Variants in GALNTL6 observed in about 807,000 individuals in gnomAD.
GALNTL6 encodes the protein polypeptide N-acetylgalactosaminyltransferase-like 6.
GALNTL6 carries 46 observed loss-of-function variants against 73.7 expected under a neutral mutation model. The observed-to-expected ratio is 0.62, with a 90% CI of 0.49 to 0.80. GALNTL6 has a LOEUF of 0.80. GALNTL6 is among the 30% of genes least tolerant of loss of function. GALNTL6 has a pLI of 0.00. For missense variants in GALNTL6, 604 were observed against 755.0 expected (o/e 0.80, Z 2.34); for synonymous variants, 259 against 263.7 (o/e 0.98, Z 0.17).
chr4:172,767,172 T>C (rs886993913), intron 5 of GALNTL6, among the ~76,000 whole-genome samples: 1 of 152,222 alleles, frequency 6.6e-6, no homozygotes, highest in African/African-American at 2.4e-5. Context: ...AACGTATTAT[T>C]TGTGTCAGAT....
chr4:172,849,907 G>A (rs929995439), intron 7 of GALNTL6, among the ~76,000 whole-genome samples: 1 of 152,136 alleles, frequency 6.6e-6, no homozygotes, highest in African/African-American at 2.4e-5. Flanking sequence ...TGCTCACTCA[G>A]GTTGTCGAGA....
At chr4:172,952,953 G>A (rs1382674117) in intron 10 of GALNTL6, among the ~76,000 whole-genome samples, 1 of 152,208 alleles carries the variant, frequency 6.6e-6, no homozygotes. Flanking sequence ...AAAACCCTCT[G>A]TCCTGGTGCA....
chr4:172,179,580 C>G (rs1252001269), intron 2 of GALNTL6, among the ~76,000 whole-genome samples: 8 of 142,832 alleles, frequency 5.6e-5, no homozygotes, highest in Non-Finnish European at 7.5e-5. Flanking sequence ...GAGTAGGTTG[C>G]AAAAATTTTC....
intron 5 of GALNTL6, among the ~76,000 whole-genome samples, chr4:172,524,577 G>A (rs1017790227): frequency 6.6e-5 from 10 of 152,118 alleles, no homozygotes; most frequent in Admixed American, 6.6e-4. Context: ...ATCCCGGTTC[G>A]TGAACGTTAT....
intron 2 of GALNTL6, among the ~76,000 whole-genome samples, chr4:171,960,860 A>G (rs1167594684): frequency 6.6e-6 from 1 of 151,916 alleles, no homozygotes; most frequent in Non-Finnish European, 1.5e-5. Flanking sequence ...GTGTGAATCT[A>G]GTTGCTTTAG....
intron 2 of GALNTL6, among the ~76,000 whole-genome samples, chr4:171,885,988 T>G (rs1291800748): frequency 6.6e-6 from 1 of 152,002 alleles, no homozygotes; most frequent in Non-Finnish European, 1.5e-5. Context: ...AATAAAGAGA[T>G]GTAGACAAGT....
At chr4:172,017,598 T>A (rs894751585) in intron 2 of GALNTL6, among the ~76,000 whole-genome samples, 3 of 152,102 alleles carry the variant, frequency 2.0e-5, no homozygotes, top group Non-Finnish European at 2.9e-5. Flanking sequence ...CGTTCCCTAC[T>A]ATACCCAGCA....
At chr4:172,981,210 C>T (rs1751049098) in intron 10 of GALNTL6, among the ~76,000 whole-genome samples, 2 of 152,200 alleles carry the variant, frequency 1.3e-5, no homozygotes, top group Non-Finnish European at 2.9e-5. Flanking sequence ...TTTGGGTATA[C>T]ACCTAGTAGT....
chr4:172,704,834 T>C (rs1311566248), intron 5 of GALNTL6, among the ~76,000 whole-genome samples: 1 of 152,066 alleles, frequency 6.6e-6, no homozygotes, highest in Non-Finnish European at 1.5e-5. Flanking sequence ...CTTTTAGGTC[T>C]GTTAATATTT....
intron 2 of GALNTL6, among the ~76,000 whole-genome samples, chr4:171,847,534 G>A (rs1023716617): frequency 3.9e-5 from 6 of 152,140 alleles, no homozygotes; most frequent in Non-Finnish European, 8.8e-5. Context: ...CTTGTAGCAT[G>A]TGATTCTGTT....
In GALNTL6 at chr4:172,824,966, G is replaced by T. The variant is rs536501387; in HGVS notation, c.923+11243G>T. Among the ~76,000 whole-genome samples the T allele has an allele frequency of 4.0e-4, 61 of 151,708 alleles. 1 individual carries two copies. In the South Asian group the frequency reaches 0.013, roughly 31 times the overall value. On this transcript the variant is annotated intron_variant, in intron 7 of 12. Coordinates refer to ENST00000506823, the MANE Select transcript of GALNTL6 (RefSeq NM_001034845.3). Reference sequence around the variant, plus strand: ...CTGAAGTGAGGCTACATCCACAGAGGCACTGGTTTTGACAAGATCATCACT... The same window carrying T: ...CTGAAGTGAGGCTACATCCACAGAGTCACTGGTTTTGACAAGATCATCACT...
At chr4:172,879,162 A>C (rs771422348) in intron 7 of GALNTL6, among the ~76,000 whole-genome samples, 1 of 151,920 alleles carries the variant, frequency 6.6e-6, no homozygotes, top group Non-Finnish European at 1.5e-5. Context: ...GAAATAAACA[A>C]ATCCAGAATT....
intron 5 of GALNTL6, among the ~76,000 whole-genome samples, chr4:172,749,046 A>G (rs2110772575): frequency 6.6e-6 from 1 of 151,204 alleles, no homozygotes; most frequent in East Asian, 1.9e-4. Context: ...AGTAGCTGGG[A>G]CATAGGCATT....
chr4:172,080,195 C>G (rs1197461500), intron 2 of GALNTL6, among the ~76,000 whole-genome samples: 1 of 152,008 alleles, frequency 6.6e-6, no homozygotes, highest in East Asian at 1.9e-4. Context: ...AAAATTTTTT[C>G]TTAGAGACAA....
chr4:172,922,118 T>C (rs1265122311), intron 8 of GALNTL6, among the ~76,000 whole-genome samples: 2 of 152,138 alleles, frequency 1.3e-5, no homozygotes. Context: ...ATCAGAGGTT[T>C]CCACTTTTGC....
At chr4:172,524,056 T>C (rs1388432147) in intron 5 of GALNTL6, among the ~76,000 whole-genome samples, 1 of 152,162 alleles carries the variant, frequency 6.6e-6, no homozygotes, top group Non-Finnish European at 1.5e-5. Context: ...ATGTTTATAG[T>C]TTTACTACGT....
intron 5 of GALNTL6, among the ~76,000 whole-genome samples, chr4:172,352,502 T>C (rs1741976239): frequency 6.6e-6 from 1 of 152,182 alleles, no homozygotes; most frequent in Non-Finnish European, 1.5e-5. Flanking sequence ...CAAGGCTTCA[T>C]GGTGACTTTA....
At chr4:171,922,431 A>G (rs1399153625) in intron 2 of GALNTL6, among the ~76,000 whole-genome samples, 1 of 152,160 alleles carries the variant, frequency 6.6e-6, no homozygotes, top group African/African-American at 2.4e-5. Flanking sequence ...TTCACCTTTT[A>G]AAAATGCATT....
chr4:172,072,122 A>G (rs1731561542), intron 2 of GALNTL6, among the ~76,000 whole-genome samples: 1 of 152,144 alleles, frequency 6.6e-6, no homozygotes, highest in Admixed American at 6.6e-5. Context: ...TCCACATATT[A>G]TACTTCCCCT....
Sources: gnomAD v4.1 joint callset for allele counts (sites outside exome capture counted in the v4.1 genomes callset) on GRCh38, gnomAD v4.1.1 for gene constraint, MANE v1.5 for transcripts, NCBI Gene and HGNC (gene_info 2026-07-23, HGNC 2026-07-21) for gene names.